The following RXRG variants were observed in gnomAD, a reference collection of about 807,000 sequenced individuals.
RXRG encodes the protein retinoid X receptor gamma.
Under a neutral mutation model 49.2 loss-of-function variants are expected in RXRG, and 19 were observed. That is an observed-to-expected ratio of 0.39 (90% CI 0.27 to 0.57). The LOEUF (loss-of-function observed/expected upper bound fraction) is 0.57, where lower values mean the gene tolerates loss of function less well. Ranked by LOEUF, RXRG falls within the 20% of genes least tolerant of loss-of-function variation. The pLI, the probability that RXRG is intolerant of heterozygous loss-of-function variation, is 0.64. For synonymous variants in RXRG, 224 were observed against 216.6 expected (o/e 1.03, Z -0.30); for missense variants, 452 against 592.5 (o/e 0.76, Z 2.46).
intron 5 of RXRG, 34 bp downstream of exon 5, chr1:165,410,915 A>C: frequency 6.2e-7 from 1 of 1,613,384 alleles, no homozygotes; most frequent in Non-Finnish European, 8.5e-7. Context: ...CTACCCAAGA[A>C]ATGGAACACA....
chr1:165,426,122 T>A (rs578016918), intron 2 of RXRG, among the ~76,000 whole-genome samples: 1 of 152,172 alleles, frequency 6.6e-6, no homozygotes, highest in Non-Finnish European at 1.5e-5. Flanking sequence ...TGATCCTCAT[T>A]TGAGCAAGAG....
Position 165,410,712 on chromosome 1 carries a change from C to T in RXRG, c.903G>A (p.Leu301=), listed in dbSNP as rs765839853. 6.2e-7 allele frequency: 1 copy of T among 1,613,838 alleles called. No individual in the cohort carries two copies. The highest frequency in any genetic ancestry group is 1.1e-5 in the South Asian group (1 of 91,074). The change falls in exon 6 of 10, where the codon TTG becomes TTA. Residue 301 remains leucine, a synonymous_variant. Transcript: ENST00000359842. The part of the protein sequence containing the change: ...SDLTLEDQVI[L]LRAGWNELLI... ...GCCAATGTGCTTTACCTGCCCGAAGCAAAATGACCTGGTCCTCCAAGGTGA... is the reference window on the plus strand; with the variant it reads ...GCCAATGTGCTTTACCTGCCCGAAGTAAAATGACCTGGTCCTCCAAGGTGA...
At chr1:165,430,581 C>G (rs1195472909) in intron 1 of RXRG, among the ~76,000 whole-genome samples, 4 of 152,228 alleles carry the variant, frequency 2.6e-5, no homozygotes, top group African/African-American at 9.6e-5. Context: ...ACGTATGGAG[C>G]TTTGGTCTAT....
At chr1:165,421,908 T>C (rs553911917) in intron 2 of RXRG, among the ~76,000 whole-genome samples, 1 of 152,278 alleles carries the variant, frequency 6.6e-6, no homozygotes, top group East Asian at 1.9e-4. Context: ...TAGCGTGACT[T>C]CTAGGCAATA....
At chr1:165,420,438 A>G (rs1658277114) in intron 2 of RXRG, among the ~76,000 whole-genome samples, 1 of 152,210 alleles carries the variant, frequency 6.6e-6, no homozygotes, top group Non-Finnish European at 1.5e-5. Context: ...TTACACTCTA[A>G]GAGAGCCAAG....
chr1:165,405,100 C>T (rs557529591), intron 9 of RXRG, among the ~76,000 whole-genome samples: 1 of 152,170 alleles, frequency 6.6e-6, no homozygotes, highest in African/African-American at 2.4e-5. Context: ...GCATGCATTG[C>T]TTTTATAGTT....
intron 2 of RXRG, among the ~76,000 whole-genome samples, chr1:165,421,407 C>G (rs1012279719): frequency 6.6e-6 from 1 of 151,900 alleles, no homozygotes; most frequent in Non-Finnish European, 1.5e-5. Context: ...CAGTATTTTG[C>G]TTTGTTTTCA....
intron 9 of RXRG, 22 bp downstream of exon 9, chr1:165,406,790 G>A (rs755760297): frequency 7.1e-6 from 11 of 1,556,494 alleles, no homozygotes; most frequent in East Asian, 2.2e-5. Flanking sequence ...CTGTTACTAC[G>A]ATTCTGCCAG....
intron 8 of RXRG, among the ~76,000 whole-genome samples, chr1:165,407,665 C>T (rs1357843066): frequency 1.3e-5 from 2 of 152,180 alleles, no homozygotes; most frequent in Non-Finnish European, 2.9e-5. Flanking sequence ...CCATGAAGTC[C>T]AGACTCATAT....
intron 2 of RXRG, among the ~76,000 whole-genome samples, chr1:165,420,221 C>T (rs1444634875): frequency 6.6e-6 from 1 of 152,168 alleles, no homozygotes; most frequent in East Asian, 1.9e-4. Context: ...TTTCTAGAAG[C>T]CAAAACTTAA....
At chr1:165,405,059 A>T (rs1030236531) in intron 9 of RXRG, among the ~76,000 whole-genome samples, 83 of 152,170 alleles carry the variant, frequency 5.5e-4, no homozygotes, top group African/African-American at 1.9e-3. Flanking sequence ...GCATATTTTT[A>T]AAAAATATTT....
chr1:165,441,363 G>A (rs1658998551), intron 1 of RXRG, among the ~76,000 whole-genome samples: 1 of 152,232 alleles, frequency 6.6e-6, no homozygotes, highest in Non-Finnish European at 1.5e-5. Flanking sequence ...GTGTGCTGCT[G>A]CCCCTGGCTT....
intron 9 of RXRG, among the ~76,000 whole-genome samples, chr1:165,402,316 C>T (rs1657605141): frequency 6.6e-6 from 1 of 152,070 alleles, no homozygotes; most frequent in African/African-American, 2.4e-5. Flanking sequence ...GAATTCCTGA[C>T]CTCAGGTGAT....
In RXRG at chr1:165,428,816, C is replaced by T. The variant is rs1213594376; in HGVS notation, c.200G>A (p.Gly67Asp). The change falls in exon 2 of 10, where the codon GGC becomes GAC. Residue 67 changes from glycine to aspartate, a missense_variant. Physicochemically the swap from Gly to Asp is moderately conservative, Grantham distance 94 (BLOSUM62 -1). Transcript: ENST00000359842. Reference protein sequence around the residue: ...SAVGTPLNALGSPYRVITSAM... With the variant: ...SAVGTPLNALDSPYRVITSAM... ...AGAGGTGATGACTCGATATGGAGAG[C>T]CCAGGGCATTGAGGGGGGTCCCCAC... is the stretch of plus-strand genomic sequence containing the variant. 1.2e-6 allele frequency: 2 copies of T among 1,613,966 alleles called. No homozygotes were observed. The highest frequency in any genetic ancestry group is 2.7e-5 in the African/African-American group (2 of 74,898).
In RXRG at chr1:165,417,211, T is replaced by C. The variant is rs1312820672; in HGVS notation, c.452A>G (p.Tyr151Cys). Residue 151 changes from tyrosine to cysteine, a missense_variant, in exon 4 of 10, where the codon TAC becomes TGC. By Grantham distance (194) the Tyr-to-Cys change is radical. Around this residue, in one of 2 missense-constraint regions of RXRG, gnomAD observed 286 missense variants for 440.9 expected, o/e 0.65. Coordinates refer to ENST00000359842, the MANE Select transcript of RXRG (RefSeq NM_006917.5). ...ICGDRSSGKH[Y>C]GVYSCEGCKG... ...GCAGCCTTCACAACTGTATACCCCGTAGTGCTTTCCTGGTTAGAAGAAAAG... is the reference window on the plus strand; with the variant it reads ...GCAGCCTTCACAACTGTATACCCCGCAGTGCTTTCCTGGTTAGAAGAAAAG... The C allele has an allele frequency of 6.2e-7, 1 of 1,608,132 alleles. No homozygotes were observed. Among genetic ancestry groups the C allele is most frequent in the Admixed American group, 1.7e-5 (1 of 59,282 alleles).
rs769566831 is a variant in RXRG, at chr1:165,410,669, G to T, written c.913+33C>A. The T allele has an allele frequency of 6.2e-6, 10 of 1,610,870 alleles. No homozygotes were observed. In the Admixed American group the frequency reaches 6.7e-5, roughly 11 times the overall value. The stretch of plus-strand genomic sequence containing the variant: ...GGATCCCAAGAGCAATTTCAAAATT[G>T]TCCCAGGAAAAAAGGCAGCCAATGT... On this transcript the variant is annotated intron_variant, in intron 6 of 9. Coordinates refer to ENST00000359842, the MANE Select transcript of RXRG (RefSeq NM_006917.5).
chr1:165,421,243 C>G (rs1236947934), intron 2 of RXRG, among the ~76,000 whole-genome samples: 3 of 152,148 alleles, frequency 2.0e-5, no homozygotes, highest in Non-Finnish European at 2.9e-5. Flanking sequence ...AAGACACAGC[C>G]TTTGGTGCTT....
chr1:165,416,203 G>A (rs181982207), intron 4 of RXRG, among the ~76,000 whole-genome samples: 7 of 152,188 alleles, frequency 4.6e-5, no homozygotes, highest in Admixed American at 3.9e-4. Context: ...AAGAGAGGCA[G>A]GACCTTCTTA....
At chr1:165,429,769 C>T (rs980087058) in intron 1 of RXRG, among the ~76,000 whole-genome samples, 1 of 152,096 alleles carries the variant, frequency 6.6e-6, no homozygotes, top group African/African-American at 2.4e-5. Flanking sequence ...AATGCTGCAG[C>T]CAAAAGTGTC....
Sources: allele counts gnomAD v4.1 joint callset (sites outside exome capture counted in the v4.1 genomes callset), GRCh38; gene constraint gnomAD v4.1.1; regional missense constraint gnomAD v4.1.1; transcripts MANE v1.5; gene names NCBI Gene and HGNC (gene_info 2026-07-23, HGNC 2026-07-21).